STMN2: variants seen among roughly 807,000 people sequenced by gnomAD.
STMN2 encodes the protein stathmin-2.
STMN2 carries 2 observed loss-of-function variants against 24.1 expected under a neutral mutation model. The ratio of observed to expected loss-of-function variants is 0.08; its 90% CI spans 0.03 to 0.26. The LOEUF is 0.26. STMN2 is among the 10% of genes least tolerant of loss of function. The probability of loss-of-function intolerance (pLI) is 1.00; values close to 1 mark genes in which losing one functional copy is unlikely to be tolerated. For synonymous variants in STMN2, 83 were observed against 77.5 expected (o/e 1.07, Z -0.37); for missense variants, 114 against 213.6 (o/e 0.53, Z 2.91).
rs1337107592 is a variant in STMN2 at position 79,611,180 on chromosome 8, T to G, written c.-16T>G. On this transcript the variant is annotated 5_prime_UTR_variant, in exon 1 of 5. Transcript: ENST00000220876. The stretch of plus-strand genomic sequence containing the variant: ...CCTTTGCCTTCGCCACTGCTCAGCG[T>G]CTGCACATCCCTACAATGGCTAAAA... The G allele has an allele frequency of 6.2e-7, 1 of 1,613,980 alleles. No homozygotes were observed. Among genetic ancestry groups the G allele is most frequent in the Non-Finnish European group, 8.5e-7 (1 of 1,180,036 alleles).
At chr8:79,619,108 A>G (rs1354261037) in intron 1 of STMN2, among the ~76,000 whole-genome samples, 2 of 152,096 alleles carry the variant, frequency 1.3e-5, no homozygotes, top group African/African-American at 4.8e-5. Flanking sequence ...AACGCCTGCA[A>G]GAGTGCCCAT....
chr8:79,663,621 G>T (rs1206051643), intron 4 of STMN2: 3 of 1,531,380 alleles, frequency 2.0e-6, no homozygotes, highest in Admixed American at 4.0e-5. Flanking sequence ...AATCTATAGA[G>T]TCTCAATTTC....
At chr8:79,619,318 G>A (rs940278752) in intron 1 of STMN2, among the ~76,000 whole-genome samples, 1 of 152,068 alleles carries the variant, frequency 6.6e-6, no homozygotes, top group African/African-American at 2.4e-5. Flanking sequence ...TTACAAGAGA[G>A]CATGTTAAAG....
chr8:79,649,207 T>C (rs1230194456), intron 3 of STMN2, among the ~76,000 whole-genome samples: 1 of 151,958 alleles, frequency 6.6e-6, no homozygotes, highest in Non-Finnish European at 1.5e-5. Flanking sequence ...TGAAACAAAG[T>C]ACTGGATTAT....
intron 2 of STMN2, among the ~76,000 whole-genome samples, chr8:79,638,187 G>A (rs577179142): frequency 7.2e-5 from 11 of 152,336 alleles, no homozygotes; most frequent in African/African-American, 1.2e-4. Flanking sequence ...TCCATAGGGC[G>A]TAGTCCTCAC....
chr8:79,656,218 G>C (rs1806357850), intron 4 of STMN2, among the ~76,000 whole-genome samples: 1 of 152,212 alleles, frequency 6.6e-6, no homozygotes, highest in African/African-American at 2.4e-5. Flanking sequence ...ATTTTTGAAA[G>C]CATTGCTGGG....
chr8:79,646,810 AT>A (rs202005530), intron 3 of STMN2, among the ~76,000 whole-genome samples: 2 of 152,168 alleles, frequency 1.3e-5, no homozygotes, highest in Non-Finnish European at 2.9e-5. Flanking sequence ...GACTAGAAAA[AT>A]AAATAGTGTT....
intron 2 of STMN2, among the ~76,000 whole-genome samples, chr8:79,640,388 T>G (rs1485240295): frequency 6.6e-6 from 1 of 152,216 alleles, no homozygotes; most frequent in East Asian, 1.9e-4. Flanking sequence ...CCTAGCTTAT[T>G]TCACTTAGCA....
chr8:79,631,192 T>C (rs1044988078), intron 1 of STMN2, among the ~76,000 whole-genome samples: 2 of 152,220 alleles, frequency 1.3e-5, no homozygotes, highest in Non-Finnish European at 2.9e-5. Context: ...GACTGATTCA[T>C]GTCATCTAGT....
At chr8:79,623,393 G>T (rs544121274) in intron 1 of STMN2, among the ~76,000 whole-genome samples, 3 of 152,108 alleles carry the variant, frequency 2.0e-5, no homozygotes. Flanking sequence ...TGAGTACAAA[G>T]GTTTAAGGGA....
chr8:79,629,435 C>T (rs572197138), intron 1 of STMN2, among the ~76,000 whole-genome samples: 8 of 152,276 alleles, frequency 5.3e-5, no homozygotes, highest in African/African-American at 4.8e-5. Context: ...GCACCATTTA[C>T]ATAAGCCAAA....
At chr8:79,626,338 A>G (rs1809654512) in intron 1 of STMN2, among the ~76,000 whole-genome samples, 1 of 152,228 alleles carries the variant, frequency 6.6e-6, no homozygotes, top group Non-Finnish European at 1.5e-5. Context: ...ATTATCTGCT[A>G]TTGTGAAGTT....
At chr8:79,652,703 T>G (rs2130381651) in intron 3 of STMN2, among the ~76,000 whole-genome samples, 1 of 152,270 alleles carries the variant, frequency 6.6e-6, no homozygotes, top group Middle Eastern at 3.4e-3. Flanking sequence ...GACACTGCAT[T>G]AAATACCTTG....
At chr8:79,661,531 C>T (rs1336568085) in intron 4 of STMN2, among the ~76,000 whole-genome samples, 3 of 152,186 alleles carry the variant, frequency 2.0e-5, no homozygotes, top group Middle Eastern at 3.4e-3. Context: ...TGAACACTTA[C>T]TATTGAACAT....
At chr8:79,623,147 A>G (rs1417864632) in intron 1 of STMN2, among the ~76,000 whole-genome samples, 2 of 152,210 alleles carry the variant, frequency 1.3e-5, no homozygotes, top group African/African-American at 2.4e-5. Context: ...AGAGTCAAAT[A>G]ATACAAACAG....
At position 79,641,448 on chromosome 8, in the gene STMN2, T is replaced by A. The variant is rs369888072; in HGVS notation, c.186T>A (p.Ser62=). 6.2e-7 allele frequency: 1 copy of A among 1,613,950 alleles called. No homozygotes were observed. The highest frequency in any genetic ancestry group is 1.3e-5 in the African/African-American group (1 of 74,894). The change falls in exon 3 of 5, where the codon TCT becomes TCA. Residue 62 remains serine, a synonymous_variant. Coordinates refer to ENST00000220876, the MANE Select transcript of STMN2 (RefSeq NM_007029.4). ...QAFELILKPP[S]PISEAPRTLA... ...TTGAGCTGATCTTGAAGCCACCATC[T>A]CCTATCTCAGAAGCCCCACGAACTT... is the stretch of plus-strand genomic sequence containing the variant.
chr8:79,612,019 G>T (rs1809242132), intron 1 of STMN2, among the ~76,000 whole-genome samples: 1 of 152,150 alleles, frequency 6.6e-6, no homozygotes, highest in Non-Finnish European at 1.5e-5. Context: ...CACCTGCAGC[G>T]CTGGGCGCAC....
Position 79,641,321 on chromosome 8 carries a change from A to T in STMN2, c.116-57A>T. 1.9e-6 allele frequency: 3 copies of T among 1,557,464 alleles called. No homozygotes were observed. In the South Asian group the frequency reaches 3.6e-5, roughly 19 times the overall value. ...CAATTGCTGGAATCTAAATTATTAA[A>T]ATAAACCCATGCTGCAAGCTTTGTA... is the stretch of plus-strand genomic sequence containing the variant. On this transcript the variant is annotated intron_variant, in intron 2 of 4. Coordinates refer to ENST00000220876, the MANE Select transcript of STMN2 (RefSeq NM_007029.4).
chr8:79,615,539 G>A (rs1809363677), intron 1 of STMN2, among the ~76,000 whole-genome samples: 1 of 152,192 alleles, frequency 6.6e-6, no homozygotes, highest in African/African-American at 2.4e-5. Context: ...CAGTGACCCA[G>A]ATGTTTTCAG....
Sources: gnomAD v4.1 joint callset for allele counts (sites outside exome capture counted in the v4.1 genomes callset) on GRCh38, gnomAD v4.1.1 for gene constraint, MANE v1.5 for transcripts, NCBI Gene and HGNC (gene_info 2026-07-23, HGNC 2026-07-21) for gene names.